ZNF804B: variants seen among roughly 807,000 people sequenced by gnomAD.
ZNF804B encodes the protein zinc finger 804B.
In ZNF804B, 80 loss-of-function variants were observed where a neutral mutation model predicts 101.4. The ratio of observed to expected loss-of-function variants is 0.79; its 90% confidence interval spans 0.66 to 0.95. The LOEUF (loss-of-function observed/expected upper bound fraction) is 0.95, where lower values mean the gene tolerates loss of function less well. ZNF804B is among the 40% of genes least tolerant of loss of function. ZNF804B has a pLI of 0.00. For synonymous variants in ZNF804B, 622 were observed against 558.8 expected, an observed-to-expected ratio of 1.11 and a Z score of -1.59; for missense variants, 1,673 against 1,561.9, an observed-to-expected ratio of 1.07 and a Z score of -1.20.
intron 1 of ZNF804B, among the ~76,000 whole-genome samples, chr7:88,807,713 A>G (rs1790714387): frequency 6.6e-6 from 1 of 152,172 alleles, no homozygotes; most frequent in Non-Finnish European, 1.5e-5. Flanking sequence ...CTCAAGCTGT[A>G]ACTCTTCTGT....
chr7:88,942,398 T>C (rs1399754368), intron 1 of ZNF804B, among the ~76,000 whole-genome samples: 2 of 151,946 alleles, frequency 1.3e-5, no homozygotes, highest in African/African-American at 4.8e-5. Flanking sequence ...TTTTATGAGT[T>C]GACTTTATAT....
At chr7:89,171,357 TC>T (rs773863714) in intron 1 of ZNF804B, among the ~76,000 whole-genome samples, 210 of 98,784 alleles carry the variant, frequency 2.1e-3, no homozygotes, top group African/African-American at 4.5e-3. Flanking sequence ...TTCTTCTTCT[TC>T]CTCCTCTTCC....
chr7:89,069,200 C>T (rs867251857), intron 1 of ZNF804B, among the ~76,000 whole-genome samples: 5 of 152,312 alleles, frequency 3.3e-5, no homozygotes, highest in African/African-American at 9.6e-5. Flanking sequence ...GTCATAATTA[C>T]TGTGGCCAAG....
chr7:89,060,946 T>A (rs1789370650), intron 1 of ZNF804B, among the ~76,000 whole-genome samples: 1 of 152,160 alleles, frequency 6.6e-6, no homozygotes, highest in Non-Finnish European at 1.5e-5. Context: ...ACAATAAAGT[T>A]TTTGGTCAAT....
At chr7:89,215,966 A>G (rs1362953236) in intron 1 of ZNF804B, among the ~76,000 whole-genome samples, 7 of 151,930 alleles carry the variant, frequency 4.6e-5, no homozygotes, top group South Asian at 2.1e-4. Flanking sequence ...CCTAGTTTCA[A>G]TCCAGTCCCT....
At chr7:89,021,458 C>T (rs1218392214) in intron 1 of ZNF804B, among the ~76,000 whole-genome samples, 1 of 152,256 alleles carries the variant, frequency 6.6e-6, no homozygotes, top group South Asian at 2.1e-4. Context: ...GTCCACTGGG[C>T]TGTTTCTCAA....
chr7:89,253,640 T>A (rs1789576601), intron 2 of ZNF804B, among the ~76,000 whole-genome samples: 1 of 152,072 alleles, frequency 6.6e-6, no homozygotes, highest in Non-Finnish European at 1.5e-5. Flanking sequence ...AAGGTAAGAT[T>A]TTCAGGTAAT....
chr7:89,049,140 T>G (rs1351748219), intron 1 of ZNF804B, among the ~76,000 whole-genome samples: 1 of 152,176 alleles, frequency 6.6e-6, no homozygotes, highest in Non-Finnish European at 1.5e-5. Flanking sequence ...TTAATAATTA[T>G]GTACCTTCAT....
chr7:88,795,136 T>G (rs904796787), intron 1 of ZNF804B: 1 of 459,006 alleles, frequency 2.2e-6, no homozygotes, highest in Non-Finnish European at 3.8e-6. Context: ...CAGGAAACAA[T>G]GTATTTGAAA....
chr7:89,147,065 A>G (rs1030028507), intron 1 of ZNF804B, among the ~76,000 whole-genome samples: 10 of 147,464 alleles, frequency 6.8e-5, no homozygotes, highest in African/African-American at 1.8e-4. Flanking sequence ...ACCTTGTATC[A>G]AAAAATAGGA....
At chr7:89,222,741 A>G (rs1260080734) in intron 2 of ZNF804B, among the ~76,000 whole-genome samples, 2 of 151,894 alleles carry the variant, frequency 1.3e-5, no homozygotes, top group South Asian at 4.1e-4. Context: ...GACAACTTAT[A>G]TGGGATATTA....
At chr7:89,278,110 G>A (rs566168871) in intron 2 of ZNF804B, among the ~76,000 whole-genome samples, 8 of 152,316 alleles carry the variant, frequency 5.3e-5, no homozygotes, top group Admixed American at 6.5e-5. Flanking sequence ...GTGATGGTGA[G>A]CATTTTTTCA....
chr7:88,770,383 A>T (rs889575986), intron 1 of ZNF804B, among the ~76,000 whole-genome samples: 3 of 152,176 alleles, frequency 2.0e-5, no homozygotes, highest in African/African-American at 7.2e-5. Context: ...CTGAAGTTAG[A>T]GGAAGAAGTC....
intron 1 of ZNF804B, among the ~76,000 whole-genome samples, chr7:89,171,677 C>CT (rs1791239475): frequency 6.6e-6 from 1 of 152,078 alleles, no homozygotes; most frequent in East Asian, 1.9e-4. Context: ...TCAAGTGATC[C>CT]GCCTGCCTTG....
chr7:88,863,958 C>G (rs1241245212), intron 1 of ZNF804B, among the ~76,000 whole-genome samples: 1 of 152,166 alleles, frequency 6.6e-6, no homozygotes, highest in Non-Finnish European at 1.5e-5. Flanking sequence ...GTTTATTGTA[C>G]AAAATCACAC....
intron 2 of ZNF804B, among the ~76,000 whole-genome samples, chr7:89,247,513 A>G (rs1413343097): frequency 6.6e-6 from 1 of 152,202 alleles, no homozygotes; most frequent in Non-Finnish European, 1.5e-5. Flanking sequence ...CAACCTACCC[A>G]ACATTGTCTA....
chr7:89,252,265 C>A (rs976955821), intron 2 of ZNF804B, among the ~76,000 whole-genome samples: 1 of 151,976 alleles, frequency 6.6e-6, no homozygotes, highest in Non-Finnish European at 1.5e-5. Context: ...AGACAATTCC[C>A]AAAAGAAGAT....
chr7:89,316,151 AAGGT>A (rs1356592226), intron 2 of ZNF804B, among the ~76,000 whole-genome samples: 2 of 152,126 alleles, frequency 1.3e-5, no homozygotes, highest in Admixed American at 1.3e-4. Context: ...CTGTGTTACA[AAGGT>A]GGTTCTGGAT....
At chr7:88,877,006 A>AAAATATATATATAT (rs1171913711) in intron 1 of ZNF804B, among the ~76,000 whole-genome samples, 8 of 84,264 alleles carry the variant, frequency 9.5e-5, no homozygotes, top group East Asian at 3.7e-4. Context: ...TTGAAAAAAA[A>AAAATATATATATAT]AATATATATA....
Sources: allele counts gnomAD v4.1 joint callset (sites outside exome capture counted in the v4.1 genomes callset), GRCh38; gene constraint gnomAD v4.1.1; transcripts MANE v1.5; gene names NCBI Gene and HGNC (gene_info 2026-07-23, HGNC 2026-07-21).